ADK: variants seen among roughly 807,000 people sequenced by gnomAD.
The protein encoded by ADK is adenosine kinase.
A neutral mutation model predicts 44.7 loss-of-function variants in ADK; 24 were observed. That is an observed-to-expected ratio of 0.54 (90% CI 0.39 to 0.76). The LOEUF is 0.76. Among genes scored for constraint, ADK ranks in the 30% least tolerant of loss-of-function variants. The pLI, the probability that ADK is intolerant of heterozygous loss-of-function variation, is 0.00. For synonymous variants in ADK, 128 were observed against 142.6 expected, an observed-to-expected ratio of 0.90 and a Z score of 0.73; for missense variants, 321 against 425.1, an observed-to-expected ratio of 0.76 and a Z score of 2.15.
At chr10:74,498,881 A>G (rs1171064953) in intron 6 of ADK, among the ~76,000 whole-genome samples, 1 of 152,260 alleles carries the variant, frequency 6.6e-6, no homozygotes, top group Non-Finnish European at 1.5e-5. Flanking sequence ...GCAGCCATAA[A>G]AAATGATGTG....
chr10:74,599,497 A>G lies in ADK; in HGVS notation c.763-882A>G, dbSNP rs111586232. On this transcript the variant is annotated intron_variant, in intron 8 of 10. Coordinates refer to ENST00000539909, the MANE Select transcript of ADK (RefSeq NM_006721.4). Reference sequence around the variant, plus strand: ...CGCTCTGATAGGTGTTTCTTTCTCTATAACTATTTGAAACTTTGCATAGTG... The same window carrying G: ...CGCTCTGATAGGTGTTTCTTTCTCTGTAACTATTTGAAACTTTGCATAGTG... Among the ~76,000 whole-genome samples, 343 of 152,300 alleles carry G rather than the reference A, an allele frequency of 2.3e-3. 2 individuals carry two copies. The highest frequency in any genetic ancestry group is 7.7e-3 in the African/African-American group (322 of 41,570).
chr10:74,194,959 T>C (rs940534014), intron 1 of ADK, among the ~76,000 whole-genome samples: 1 of 152,166 alleles, frequency 6.6e-6, no homozygotes, highest in Non-Finnish European at 1.5e-5. Context: ...TCTCAGGAAC[T>C]CTTACTGTAA....
intron 6 of ADK, among the ~76,000 whole-genome samples, chr10:74,402,550 G>C (rs188312800): frequency 7.9e-5 from 12 of 152,002 alleles, no homozygotes; most frequent in South Asian, 2.1e-4. Flanking sequence ...ACTGAAGCTT[G>C]TGCATGTGTC....
At chr10:74,536,594 C>A (rs1191414811) in intron 7 of ADK, among the ~76,000 whole-genome samples, 2 of 150,038 alleles carry the variant, frequency 1.3e-5, no homozygotes, top group East Asian at 3.9e-4. Context: ...CTATTCCTCT[C>A]CAGAACTTTT....
At chr10:74,489,034 G>A (rs1278576432) in intron 6 of ADK, among the ~76,000 whole-genome samples, 1 of 151,890 alleles carries the variant, frequency 6.6e-6, no homozygotes, top group Non-Finnish European at 1.5e-5. Context: ...AAAGAGCCAA[G>A]TACATAGTAA....
chr10:74,209,916 G>A (rs1253843855), intron 2 of ADK, among the ~76,000 whole-genome samples: 1 of 152,134 alleles, frequency 6.6e-6, no homozygotes, highest in Non-Finnish European at 1.5e-5. Flanking sequence ...AGGCAGGGAA[G>A]GAATGTGTAA....
chr10:74,363,027 G>C (rs1294644271), intron 4 of ADK, among the ~76,000 whole-genome samples: 1 of 152,184 alleles, frequency 6.6e-6, no homozygotes, highest in African/African-American at 2.4e-5. Flanking sequence ...TGCGTCTTTG[G>C]AATCTACTGT....
chr10:74,512,462 G>T, intron 6 of ADK, among the ~76,000 whole-genome samples: 2 of 127,560 alleles, frequency 1.6e-5, no homozygotes, highest in Admixed American at 8.2e-5. Context: ...CTTGTTTCTT[G>T]TCATTGGTCT....
intron 7 of ADK, among the ~76,000 whole-genome samples, chr10:74,542,209 A>T (rs1849663634): frequency 6.6e-6 from 1 of 152,212 alleles, no homozygotes; most frequent in South Asian, 2.1e-4. Context: ...TCCCTCAAAC[A>T]CGAGATGACT....
At chr10:74,274,577 A>T (rs1591969198) in intron 3 of ADK, among the ~76,000 whole-genome samples, 1 of 151,542 alleles carries the variant, frequency 6.6e-6, no homozygotes, top group South Asian at 2.1e-4. Context: ...AAAAAAAGTC[A>T]TAAGAGAAAA....
At chr10:74,655,766 T>C in intron 9 of ADK, 1 of 494,458 alleles carries the variant, frequency 2.0e-6, no homozygotes, top group Non-Finnish European at 4.0e-6. Flanking sequence ...ACACCCTCCC[T>C]GGCCACCCAC....
chr10:74,485,462 AAAAT>A (rs200618866), intron 6 of ADK, among the ~76,000 whole-genome samples: 33,799 of 143,808 alleles, frequency 0.24, 4,124 homozygotes, highest in Middle Eastern at 0.32. Context: ...ACCCTGTCTC[AAAAT>A]AAATAAATAA....
intron 2 of ADK, among the ~76,000 whole-genome samples, chr10:74,210,838 A>C (rs867305842): frequency 6.6e-6 from 1 of 152,278 alleles, no homozygotes; most frequent in Middle Eastern, 3.4e-3. Context: ...CTAGACATTT[A>C]ATTGTTTTGC....
intron 4 of ADK, among the ~76,000 whole-genome samples, chr10:74,343,815 G>A (rs1841667711): frequency 6.6e-6 from 1 of 152,006 alleles, no homozygotes; most frequent in Non-Finnish European, 1.5e-5. Flanking sequence ...CACCATGTTG[G>A]CCAGGCTGGT....
At chr10:74,621,515 CTTTG>C (rs199699123) in intron 9 of ADK, among the ~76,000 whole-genome samples, 1,618 of 152,212 alleles carry the variant, frequency 0.011, 21 homozygotes, top group African/African-American at 0.037. Context: ...ATACCTCCAG[CTTTG>C]TTCTTCTTGC....
intron 9 of ADK, among the ~76,000 whole-genome samples, chr10:74,600,956 A>G (rs1852099724): frequency 6.6e-6 from 1 of 151,860 alleles, no homozygotes; most frequent in Admixed American, 6.6e-5. Context: ...AATTTCATCT[A>G]GTAAGCAAAC....
chr10:74,295,870 G>A (rs1839792830), intron 3 of ADK, among the ~76,000 whole-genome samples: 3 of 151,874 alleles, frequency 2.0e-5, no homozygotes, highest in African/African-American at 7.2e-5. Flanking sequence ...GTTAAAATGC[G>A]TTAGCATAAC....
intron 10 of ADK, 129 bp from the exon 11 acceptor site, chr10:74,708,192 C>T (rs1270574262): frequency 8.2e-6 from 8 of 977,442 alleles, no homozygotes; most frequent in Middle Eastern, 2.6e-4. Context: ...CGGTAACGCA[C>T]AAGACTTTCT....
At chr10:74,371,834 T>G (rs1413896974) in intron 4 of ADK, 1 of 1,287,118 alleles carries the variant, frequency 7.8e-7, no homozygotes. Context: ...CTCCAATTGT[T>G]GGCCACTTCA....
Sources: allele counts gnomAD v4.1 joint callset (sites outside exome capture counted in the v4.1 genomes callset), GRCh38; gene constraint gnomAD v4.1.1; transcripts MANE v1.5; gene names NCBI Gene and HGNC (gene_info 2026-07-23, HGNC 2026-07-21).